The following CTNNBIP1 variants were observed in gnomAD, a reference collection of about 807,000 sequenced individuals.
CTNNBIP1 encodes catenin beta interacting protein 1.
In CTNNBIP1, 7 loss-of-function variants were observed where a neutral mutation model predicts 11.8. That is an observed-to-expected ratio of 0.60 (90% CI 0.34 to 1.12). The LOEUF is 1.12. Among genes scored for constraint, CTNNBIP1 ranks in the 50% most tolerant of loss-of-function variants. The pLI is 0.03. For synonymous variants in CTNNBIP1, 58 were observed against 43.9 expected, an observed-to-expected ratio of 1.32 and a Z score of -1.26; for missense variants, 101 against 113.4, an observed-to-expected ratio of 0.89 and a Z score of 0.50.
At chr1:9,890,049 G>T (rs1475798965) in intron 1 of CTNNBIP1, among the ~76,000 whole-genome samples, 1 of 152,190 alleles carries the variant, frequency 6.6e-6, no homozygotes, top group Non-Finnish European at 1.5e-5. Context: ...GGAGGAACCT[G>T]CATGTTCCTA....
chr1:9,893,213 C>G (rs1243718123), intron 1 of CTNNBIP1: 1 of 152,216 alleles, frequency 6.6e-6, no homozygotes, highest in Non-Finnish European at 1.5e-5. Context: ...AAAGCCACCA[C>G]AGACAAGCTC....
Position 9,887,977 on chromosome 1 carries a change from C to T in CTNNBIP1, c.-143-4239G>A, listed in dbSNP as rs554521213. On this transcript the variant is annotated intron_variant, in intron 1 of 5. Transcript: ENST00000377263. ...TAGCTGGGATTACAGGCACCCACCA[C>T]CACACCCAGCTAATTTTTGTATTCT... 8.6e-5 allele frequency among the ~76,000 whole-genome samples: 13 copies of T among 151,842 alleles called. No homozygotes were observed. In the South Asian group the frequency reaches 2.5e-3, roughly 29 times the overall value.
At chr1:9,886,808 T>G (rs1639196119) in intron 1 of CTNNBIP1, among the ~76,000 whole-genome samples, 1 of 152,188 alleles carries the variant, frequency 6.6e-6, no homozygotes, top group Admixed American at 6.5e-5. Context: ...CCTCAGGTCC[T>G]CTAGCGACAT....
chr1:9,877,644 T>A (rs1285906242), intron 3 of CTNNBIP1, among the ~76,000 whole-genome samples: 1 of 152,242 alleles, frequency 6.6e-6, no homozygotes, highest in African/African-American at 2.4e-5. Flanking sequence ...TGCCATAGAA[T>A]TGGTGGTTCC....
intron 1 of CTNNBIP1, among the ~76,000 whole-genome samples, chr1:9,908,040 G>A (rs953735016): frequency 1.3e-5 from 2 of 152,140 alleles, no homozygotes; most frequent in East Asian, 1.9e-4. Flanking sequence ...CAAAATCTTT[G>A]TTTTGATCTA....
intron 1 of CTNNBIP1, among the ~76,000 whole-genome samples, chr1:9,905,429 CT>C (rs139132204): frequency 4.6e-4 from 68 of 147,488 alleles, no homozygotes; most frequent in Non-Finnish European, 4.2e-4. Context: ...ACCCTACATT[CT>C]TTTTTTTTTT....
intron 1 of CTNNBIP1, among the ~76,000 whole-genome samples, chr1:9,885,165 C>T (rs1158471477): frequency 6.6e-6 from 1 of 152,076 alleles, no homozygotes; most frequent in African/African-American, 2.4e-5. Context: ...GCTGGGGACT[C>T]GTGGCACAGG....
chr1:9,904,389 C>A (rs1639579077), intron 1 of CTNNBIP1, among the ~76,000 whole-genome samples: 1 of 152,144 alleles, frequency 6.6e-6, no homozygotes, highest in South Asian at 2.1e-4. Context: ...TCTAAAGAGT[C>A]CCACTCTGGA....
At chr1:9,885,453 TG>T (rs1639166912) in intron 1 of CTNNBIP1, among the ~76,000 whole-genome samples, 1 of 152,092 alleles carries the variant, frequency 6.6e-6, no homozygotes, top group Non-Finnish European at 1.5e-5. Context: ...ACTTGAAGCC[TG>T]GGCACATAAT....
At chr1:9,866,962 G>A (rs1331611683) in intron 5 of CTNNBIP1, among the ~76,000 whole-genome samples, 3 of 152,114 alleles carry the variant, frequency 2.0e-5, no homozygotes, top group Admixed American at 6.6e-5. Flanking sequence ...CTGAGTCCTC[G>A]GGCGCCGTGT....
intron 1 of CTNNBIP1, among the ~76,000 whole-genome samples, chr1:9,897,138 T>G (rs1162108138): frequency 6.6e-6 from 1 of 151,542 alleles, no homozygotes; most frequent in Non-Finnish European, 1.5e-5. Flanking sequence ...AAAGCGAGAC[T>G]CTGTCTCAAA....
At chr1:9,907,596 C>T (rs1639642843) in intron 1 of CTNNBIP1, among the ~76,000 whole-genome samples, 1 of 152,194 alleles carries the variant, frequency 6.6e-6, no homozygotes, top group South Asian at 2.1e-4. Flanking sequence ...TTAAACAATA[C>T]AACCGGATGT....
intron 5 of CTNNBIP1, 52 bp from the exon 6 acceptor site, chr1:9,850,828 G>C: frequency 6.4e-7 from 1 of 1,566,146 alleles, no homozygotes; most frequent in South Asian, 1.1e-5. Context: ...ATTGGCTTGC[G>C]AACAGGACAA....
At chr1:9,904,990 A>G (rs1271780911) in intron 1 of CTNNBIP1, among the ~76,000 whole-genome samples, 1 of 152,188 alleles carries the variant, frequency 6.6e-6, no homozygotes, top group Non-Finnish European at 1.5e-5. Context: ...GGACCAGGCC[A>G]GAGAAATAAG....
intron 1 of CTNNBIP1, among the ~76,000 whole-genome samples, chr1:9,887,689 A>G (rs1191182204): frequency 1.3e-5 from 2 of 151,934 alleles, no homozygotes; most frequent in Admixed American, 6.6e-5. Flanking sequence ...GCAAAAGAGC[A>G]AGATTCCGTC....
rs1036995600 is a variant in CTNNBIP1 at position 9,881,528 on chromosome 1, C to T, written c.-110+2177G>A. Among the ~76,000 whole-genome samples, 6 of 151,698 alleles carry T rather than the reference C, an allele frequency of 4.0e-5. 1 individual carries two copies. The highest frequency in any genetic ancestry group is 3.9e-4 in the East Asian group (2 of 5,164). On this transcript the variant is annotated intron_variant, in intron 2 of 5. Transcript: ENST00000377263. The stretch of plus-strand genomic sequence containing the variant: ...CTATTTTTTGTATTTTAAGTAGAGA[C>T]GGATTTCACCATGTTGGCCAGGCTA...
chr1:9,893,308 T>C (rs1639345432), intron 1 of CTNNBIP1: 1 of 152,138 alleles, frequency 6.6e-6, no homozygotes, highest in African/African-American at 2.4e-5. Flanking sequence ...AACACCCAGA[T>C]CTGGGCACAC....
In CTNNBIP1 at chr1:9,850,543, T is replaced by C. The variant is rs1040266199; in HGVS notation, c.*175A>G. 2.9e-5 allele frequency: 18 copies of C among 622,434 alleles called. No individual in the cohort carries two copies. Among genetic ancestry groups the C allele is most frequent in the Middle Eastern group, 8.6e-4 (2 of 2,320 alleles). The allele number at this position is 622,434 out of a possible 1,614,324, so 38.6% of individuals were successfully genotyped here. A position where few individuals can be genotyped will look rare whatever the true frequency, so the allele number is the denominator to read the frequency against. ...AAGCCAATTATAAACGCACCACTGGTGTCTCCCTTGATGCCAGCCCCACTG... is the reference window on the plus strand; with the variant it reads ...AAGCCAATTATAAACGCACCACTGGCGTCTCCCTTGATGCCAGCCCCACTG... On this transcript the variant is annotated 3_prime_UTR_variant, in exon 6 of 6. Coordinates refer to ENST00000377263, the MANE Select transcript of CTNNBIP1 (RefSeq NM_020248.3).
rs553259438 is a variant in CTNNBIP1 at position 9,878,699 on chromosome 1, C to T, written c.-109-710G>A. ...TTAATGGAGCAAGAGCATGGATTGC[C>T]GAGTGGGCGGAGACACAGGAGAAGC... On this transcript the variant is annotated intron_variant, in intron 2 of 5. Coordinates refer to ENST00000377263, the MANE Select transcript of CTNNBIP1 (RefSeq NM_020248.3). 4.6e-4 allele frequency among the ~76,000 whole-genome samples: 70 copies of T among 152,284 alleles called. 2 individuals carry two copies. The South Asian group carries it at 0.013, about 29-fold the overall frequency.
Sources: gnomAD v4.1 joint callset for allele counts (sites outside exome capture counted in the v4.1 genomes callset) on GRCh38, gnomAD v4.1.1 for gene constraint, MANE v1.5 for transcripts, NCBI Gene and HGNC (gene_info 2026-07-23, HGNC 2026-07-21) for gene names.